The following PDE4D variants were observed in gnomAD, a reference collection of about 807,000 sequenced individuals.
The protein encoded by PDE4D is 3',5'-cyclic-AMP phosphodiesterase 4D.
PDE4D carries 24 observed loss-of-function variants against 87.4 expected under a neutral mutation model. The observed-to-expected ratio is 0.27, with a 90% CI of 0.20 to 0.39. The LOEUF is 0.39. PDE4D is among the 10% of genes least tolerant of loss of function. PDE4D has a pLI of 1.00. For synonymous variants in PDE4D, 384 were observed against 383.2 expected, an observed-to-expected ratio of 1.00 and a Z score of -0.02; for missense variants, 714 against 1,041.0, an observed-to-expected ratio of 0.69 and a Z score of 4.32.
chr5:59,465,620 T>G (rs767801351), intron 1 of PDE4D, among the ~76,000 whole-genome samples: 1 of 152,196 alleles, frequency 6.6e-6, no homozygotes, highest in Non-Finnish European at 1.5e-5. Context: ...ACATCCAGCA[T>G]GAAACCAGGA....
At chr5:60,438,251 G>A (rs1744915709) in intron 1 of PDE4D, among the ~76,000 whole-genome samples, 1 of 151,994 alleles carries the variant, frequency 6.6e-6, no homozygotes, top group Admixed American at 6.6e-5. Context: ...AAACAAGGGA[G>A]GGAGAGTAAA....
intron 1 of PDE4D, among the ~76,000 whole-genome samples, chr5:59,809,654 G>A (rs1768120735): frequency 6.6e-6 from 1 of 152,184 alleles, no homozygotes; most frequent in South Asian, 2.1e-4. Context: ...TCCAGACTGT[G>A]CAGGCGGAGC....
At chr5:60,085,309 G>T (rs1774412139) in intron 2 of PDE4D, among the ~76,000 whole-genome samples, 1 of 152,134 alleles carries the variant, frequency 6.6e-6, no homozygotes, top group African/African-American at 2.4e-5. Context: ...AGGGTGTTTA[G>T]CCAGGTATTT....
At chr5:60,175,536 T>C (rs771542135) in intron 2 of PDE4D, among the ~76,000 whole-genome samples, 3 of 152,172 alleles carry the variant, frequency 2.0e-5, no homozygotes, top group East Asian at 3.8e-4. Context: ...ATAGATACTT[T>C]TGGATTCTTA....
intron 11 of PDE4D, among the ~76,000 whole-genome samples, chr5:58,981,943 G>C (rs1225078145): frequency 1.3e-5 from 2 of 152,154 alleles, no homozygotes; most frequent in Non-Finnish European, 2.9e-5. Context: ...GTCAGGATCA[G>C]TCACCCCAGT....
chr5:59,012,672 T>G lies in PDE4D; in HGVS notation c.922-19207A>C, dbSNP rs557140279. 3.9e-5 allele frequency among the ~76,000 whole-genome samples: 6 copies of G among 152,252 alleles called. No homozygotes were observed. In the East Asian group the frequency reaches 1.2e-3, roughly 29 times the overall value. On this transcript the variant is annotated intron_variant, in intron 6 of 14. Transcript: ENST00000340635. ...ATAAAGCAAGTCCTTAGAGACCTACTAAGAGACTTAGACTTCTACACAATA... is the reference window on the plus strand; with the variant it reads ...ATAAAGCAAGTCCTTAGAGACCTACGAAGAGACTTAGACTTCTACACAATA...
intron 1 of PDE4D, among the ~76,000 whole-genome samples, chr5:59,625,232 T>C (rs1296575131): frequency 2.0e-5 from 3 of 152,102 alleles, no homozygotes; most frequent in Admixed American, 2.0e-4. Flanking sequence ...ACGGCTGAGA[T>C]GAAGATGACC....
chr5:60,310,095 A>G (rs1418003961), intron 1 of PDE4D, among the ~76,000 whole-genome samples: 1 of 152,118 alleles, frequency 6.6e-6, no homozygotes, highest in Non-Finnish European at 1.5e-5. Context: ...GCACCTTACC[A>G]CTAGTGCTTC....
chr5:60,010,981 C>G (rs895142092), intron 2 of PDE4D, among the ~76,000 whole-genome samples: 1 of 152,148 alleles, frequency 6.6e-6, no homozygotes, highest in African/African-American at 2.4e-5. Context: ...AATTGTATCA[C>G]TTCACAGGAG....
chr5:59,693,198 A>G (rs1580463292), intron 1 of PDE4D, among the ~76,000 whole-genome samples: 1 of 151,904 alleles, frequency 6.6e-6, no homozygotes, highest in East Asian at 1.9e-4. Context: ...TAAAAAATAT[A>G]TAAATAAAAT....
At chr5:59,762,526 G>A (rs867799542) in intron 1 of PDE4D, among the ~76,000 whole-genome samples, 4 of 107,092 alleles carry the variant, frequency 3.7e-5, no homozygotes, top group South Asian at 2.8e-4. Flanking sequence ...ATGTGTATAT[G>A]GGTACACATG....
At chr5:59,334,247 GTTTTTTT>G (rs564248041) in intron 1 of PDE4D, among the ~76,000 whole-genome samples, 1 of 98,608 alleles carries the variant, frequency 1.0e-5, no homozygotes, top group Non-Finnish European at 1.9e-5. Flanking sequence ...ATCCAGTGGA[GTTTTTTT>G]TTTTTTTTTT....
At chr5:59,437,632 A>T (rs1052094665) in intron 1 of PDE4D, among the ~76,000 whole-genome samples, 5 of 152,002 alleles carry the variant, frequency 3.3e-5, no homozygotes, top group African/African-American at 7.3e-5. Context: ...TTCTACCCCA[A>T]CCAGCCAGCC....
Position 58,990,681 on chromosome 5 carries a change from G to A in PDE4D, c.1287+123C>T, listed in dbSNP as rs917478719. 4 of 591,000 alleles carry A rather than the reference G, an allele frequency of 6.8e-6. No homozygotes were observed. The Admixed American group carries it at 9.2e-5, about 14-fold the overall frequency. 36.6% of individuals were successfully genotyped at this position (591,000 alleles called of 1,614,324 possible). ...GTCCCTTGGCAAAGGAGCAAATAAG[G>A]ATAAAAGTATAAAAATAAGCAAAAG... is the stretch of plus-strand genomic sequence containing the variant. On this transcript the variant is annotated intron_variant, in intron 9 of 14. Transcript: ENST00000340635.
chr5:60,171,306 A>T (rs1272761571), intron 2 of PDE4D, among the ~76,000 whole-genome samples: 1 of 152,054 alleles, frequency 6.6e-6, no homozygotes, highest in African/African-American at 2.4e-5. Context: ...TCCTAAAATT[A>T]TACTGTTCTG....
At chr5:59,587,892 G>A (rs985061811) in intron 1 of PDE4D, among the ~76,000 whole-genome samples, 20 of 151,738 alleles carry the variant, frequency 1.3e-4, no homozygotes, top group Admixed American at 1.2e-3. Context: ...ACGGAGGGAG[G>A]ATTTTTTGTT....
At chr5:59,083,399 GA>G (rs1373568156) in intron 5 of PDE4D, among the ~76,000 whole-genome samples, 1 of 151,942 alleles carries the variant, frequency 6.6e-6, no homozygotes, top group Non-Finnish European at 1.5e-5. Flanking sequence ...TCAGGTCAAG[GA>G]TTTTTTTTCT....
intron 1 of PDE4D, among the ~76,000 whole-genome samples, chr5:60,305,055 ACACACACACAC>A (rs1163537125): frequency 7.2e-6 from 1 of 138,626 alleles, no homozygotes. Context: ...ACACACACAC[ACACACACACAC>A]ACACAACACA....
chr5:59,409,505 C>A (rs186143824), intron 1 of PDE4D, among the ~76,000 whole-genome samples: 79 of 152,110 alleles, frequency 5.2e-4, no homozygotes, highest in Admixed American at 1.8e-3. Context: ...GTGGGCAGAT[C>A]CCTTATGGCT....
Sources: allele counts gnomAD v4.1 joint callset (sites outside exome capture counted in the v4.1 genomes callset), GRCh38; gene constraint gnomAD v4.1.1; transcripts MANE v1.5; gene names NCBI Gene and HGNC (gene_info 2026-07-23, HGNC 2026-07-21).